The following CEP131 variants were observed in gnomAD, a reference collection of about 807,000 sequenced individuals.
CEP131 encodes centrosomal protein 131.
In CEP131, 99 loss-of-function variants were observed where a neutral mutation model predicts 136.8. The observed-to-expected ratio is 0.72, with a 90% CI of 0.62 to 0.86. The LOEUF is 0.86. CEP131 is among the 40% of genes least tolerant of loss of function. The pLI is 0.00. For missense variants in CEP131, 1,459 were observed against 1,463.0 expected (o/e 1.00, Z 0.04); for synonymous variants, 646 against 612.7 (o/e 1.05, Z -0.80).
chr17:81,204,924 T>G (rs781299573), intron 5 of CEP131, among the ~76,000 whole-genome samples: 1 of 152,200 alleles, frequency 6.6e-6, no homozygotes, highest in African/African-American at 2.4e-5. Context: ...TTTGAGCTGT[T>G]CAGGAATGAG....
At chr17:81,193,051 C>T (rs567330753) in intron 18 of CEP131, among the ~76,000 whole-genome samples, 3 of 152,252 alleles carry the variant, frequency 2.0e-5, no homozygotes, top group Non-Finnish European at 2.9e-5. Flanking sequence ...ATCAGCCAAG[C>T]GCAGCAATTC....
At chr17:81,213,213 C>A (rs1366267941) in intron 2 of CEP131, among the ~76,000 whole-genome samples, 1 of 152,172 alleles carries the variant, frequency 6.6e-6, no homozygotes, top group Non-Finnish European at 1.5e-5. Context: ...TGAATTATAA[C>A]TTGAAGTGTA....
chr17:81,192,504 C>G lies in CEP131; in HGVS notation c.2519G>C (p.Gly840Ala). The G allele has an allele frequency of 1.2e-6, 2 of 1,611,692 alleles. No homozygotes were observed. The highest frequency in any genetic ancestry group is 2.7e-5 in the African/African-American group (2 of 75,008). Residue 840 changes from glycine (G) to alanine (A), a missense_variant, in exon 20 of 26, where the codon GGC (glycine) becomes GCC (alanine). This residue lies in a region of CEP131 where 1,026 missense variants were observed against 964.2 expected (regional missense o/e 1.06). Coordinates refer to ENST00000450824, the MANE Select transcript of CEP131 (RefSeq NM_014984.4). ...GTGCCGGCGCTCCTGCTCCTCCCTG[C>G]CCTTCTCAAACTCAGCCCTCAGGGC... ...TRALRAEFEKGREEQERRHQM... is the reference protein window; with the variant it reads ...TRALRAEFEKAREEQERRHQM...
Position 81,199,816 on chromosome 17 carries a change from C to T in CEP131, c.926G>A (p.Gly309Asp). ...AKREEQRQRSGEGTLLDLHQQ... is the reference protein window; with the variant it reads ...AKREEQRQRSDEGTLLDLHQQ... ...GTGCAGGTCCAAGAGGGTCCCCTCG[C>T]CTGACCGCTGCCGCTGCTCCTGCCA... Residue 309 changes from glycine to aspartate, a missense_variant, in exon 9 of 26, where the codon GGC becomes GAC. Gly to Asp is a moderately conservative substitution (Grantham distance 94). This residue lies in a region of CEP131 where 246 missense variants were observed against 318.9 expected (regional missense o/e 0.77). Transcript: ENST00000450824. 6.2e-7 allele frequency: 1 copy of T among 1,611,430 alleles called. No homozygotes were observed. The highest frequency in any genetic ancestry group is 8.5e-7 in the Non-Finnish European group (1 of 1,179,930).
chr17:81,221,362 T>C (rs2146778328), intron 1 of CEP131, among the ~76,000 whole-genome samples: 1 of 152,260 alleles, frequency 6.6e-6, no homozygotes, highest in East Asian at 1.9e-4. Flanking sequence ...ATGGCACCTC[T>C]TTCTGAACGA....
chr17:81,209,497 C>A (rs2146669797), intron 2 of CEP131, among the ~76,000 whole-genome samples: 1 of 152,362 alleles, frequency 6.6e-6, no homozygotes, highest in South Asian at 2.1e-4. Context: ...TGAGTGCAGC[C>A]AACTGCCCAG....
At position 81,189,832 on chromosome 17, in the gene CEP131, C is replaced by T; in HGVS notation, c.3180G>A (p.Lys1060=). ...SLRTQHEAAV[K]RADHLEELLE... The stretch of plus-strand genomic sequence containing the variant: ...GCAGCTCCTCCAGGTGGTCGGCCCG[C>T]TTCACCGCAGCCTGCAGCACACCCA... The change falls in exon 26 of 26, where the codon AAG becomes AAA. Residue 1060 remains lysine, a synonymous_variant. Coordinates refer to ENST00000450824, the MANE Select transcript of CEP131 (RefSeq NM_014984.4). 1.9e-6 allele frequency: 3 copies of T among 1,612,104 alleles called. No individual in the cohort carries two copies. Among genetic ancestry groups the T allele is most frequent in the Non-Finnish European group, 2.5e-6 (3 of 1,179,582 alleles).
rs570725716 is a variant in CEP131 at position 81,199,707 on chromosome 17, C to T, written c.1023+12G>A. On this transcript the variant is annotated intron_variant, in intron 9 of 25. Transcript: ENST00000450824. The stretch of plus-strand genomic sequence containing the variant: ...CCACGGTGCTGCTCAGTGGTCCCTG[C>T]GCGGTCAGCACCTGAATGGCTGCTC... 1.5e-5 allele frequency: 24 copies of T among 1,606,588 alleles called. No homozygotes were observed. The highest frequency in any genetic ancestry group is 1.7e-4 in the Middle Eastern group (1 of 5,886).
intron 2 of CEP131, among the ~76,000 whole-genome samples, chr17:81,211,934 G>GAA (rs149683349): frequency 3.2e-3 from 371 of 115,116 alleles, no homozygotes; most frequent in African/African-American, 6.7e-3. Context: ...CCCTGTCTCT[G>GAA]AAAAAAAAAA....
chr17:81,198,894 G>C lies in CEP131; in HGVS notation c.1270C>G (p.Pro424Ala). The C allele has an allele frequency of 6.3e-7, 1 of 1,589,706 alleles. No homozygotes were observed. Among genetic ancestry groups the C allele is most frequent in the Non-Finnish European group, 8.6e-7 (1 of 1,169,008 alleles). Residue 424 changes from proline to alanine, a missense_variant, in exon 11 of 26, where the codon CCA (proline) becomes GCA (alanine). Transcript: ENST00000450824. ...SDSSPEPQQP[P>A]EDRTQDVLAQ... ...GCTCAGACCTGCGTCCTGTCCTCTG[G>C]AGGCTGCTGTGGTTCTGGGGATGAG...
At chr17:81,205,669 AAGG>A (rs1238689427) in intron 5 of CEP131, among the ~76,000 whole-genome samples, 1 of 151,886 alleles carries the variant, frequency 6.6e-6, no homozygotes, top group African/African-American at 2.4e-5. Context: ...GAGGTCAAGG[AAGG>A]AGGATTGCCC....
At chr17:81,199,089 A>T in intron 10 of CEP131, 118 bp from the exon 11 acceptor site, 1 of 1,040,878 alleles carries the variant, frequency 9.6e-7, no homozygotes. Context: ...CCAGAAGCAG[A>T]GGAGCCGCTG....
intron 7 of CEP131, among the ~76,000 whole-genome samples, chr17:81,201,636 A>C (rs2061893388): frequency 6.6e-6 from 1 of 152,164 alleles, no homozygotes; most frequent in South Asian, 2.1e-4. Context: ...ATTTTTAGCA[A>C]ATCTAGAGTT....
chr17:81,198,085 CTG>C, intron 12 of CEP131, 28 bp downstream of exon 12: 1 of 1,526,430 alleles, frequency 6.6e-7, no homozygotes. Flanking sequence ...GGTGGACAGA[CTG>C]TGCAGGGCGG....
rs1353589290 is a variant in CEP131, at chr17:81,192,412, G to A, written c.2548-20C>T. 7 of 1,611,228 alleles carry A rather than the reference G, an allele frequency of 4.3e-6. No homozygotes were observed. The highest frequency in any genetic ancestry group is 5.1e-6 in the Non-Finnish European group (6 of 1,179,618). ...CTCCATCTGGGGGGCGGACATAAGA[G>A]GCCAGTCAGTCCCACCCCGTGCAGC... On this transcript the variant is annotated intron_variant, in intron 20 of 25. Coordinates refer to ENST00000450824, the MANE Select transcript of CEP131 (RefSeq NM_014984.4).
At chr17:81,198,827 G>A (rs757910200) in intron 11 of CEP131, 50 bp downstream of exon 11, 92 of 1,519,402 alleles carry the variant, frequency 6.1e-5, no homozygotes, top group Non-Finnish European at 7.1e-5. Context: ...CACAGACATG[G>A]CCCTTAAAGC....
Position 81,197,541 on chromosome 17 carries a change from C to G in CEP131, c.1647+171G>C, listed in dbSNP as rs187647859. 31 of 1,008,440 alleles carry G rather than the reference C, an allele frequency of 3.1e-5. 1 individual carries two copies. The East Asian group carries it at 8.0e-4, about 26-fold the overall frequency. 62.5% of individuals were successfully genotyped at this position (1,008,440 alleles called of 1,614,324 possible). On this transcript the variant is annotated intron_variant, in intron 13 of 25. Coordinates refer to ENST00000450824, the MANE Select transcript of CEP131 (RefSeq NM_014984.4). ...GGGGTGCTGCATAACTAGGTGGGTA[C>G]ATGGTGAGGGACCACCTCCTGCTGG...
At chr17:81,220,395 G>A (rs373793335) in intron 1 of CEP131, among the ~76,000 whole-genome samples, 3 of 152,216 alleles carry the variant, frequency 2.0e-5, no homozygotes, top group East Asian at 1.9e-4. Flanking sequence ...TTGTCGATGT[G>A]AGCCAGGTTC....
rs756654304 is a variant in CEP131 at position 81,191,167 on chromosome 17, G to A, written c.2765+26C>T. The A allele has an allele frequency of 1.2e-5, 20 of 1,610,504 alleles. No homozygotes were observed. The South Asian group carries it at 2.2e-4, about 18-fold the overall frequency. The stretch of plus-strand genomic sequence containing the variant: ...CTCAGCTCGTGGGCCTCCCCAGCTG[G>A]TGACCCAGCCATGGCGGGTCCTTAC... On this transcript the variant is annotated intron_variant, in intron 22 of 25. Transcript: ENST00000450824.
Sources: allele counts gnomAD v4.1 joint callset (sites outside exome capture counted in the v4.1 genomes callset), GRCh38; gene constraint gnomAD v4.1.1; regional missense constraint gnomAD v4.1.1; transcripts MANE v1.5; gene names NCBI Gene and HGNC (gene_info 2026-07-23, HGNC 2026-07-21).